The following NIPAL2 variants were observed in gnomAD, a reference collection of about 807,000 sequenced individuals.
The protein encoded by NIPAL2 is NIPA like domain containing 2.
In NIPAL2, 43 loss-of-function variants were observed where a neutral mutation model predicts 48.9. That is an observed-to-expected ratio of 0.88 (90% CI 0.69 to 1.13). The LOEUF (loss-of-function observed/expected upper bound fraction) is 1.13, where lower values mean the gene tolerates loss of function less well. Among genes scored for constraint, NIPAL2 ranks in the 50% most tolerant of loss-of-function variants. NIPAL2 has a pLI of 0.00. For missense variants in NIPAL2, 446 were observed against 461.4 expected (o/e 0.97, Z 0.31); for synonymous variants, 167 against 174.6 (o/e 0.96, Z 0.34).
chr8:98,193,384 C>T lies in NIPAL2; in HGVS notation c.1040-294G>A, dbSNP rs3735887. 0.52 allele frequency: 839,227 copies of T among 1,612,268 alleles called. 220,036 individuals carry two copies. The highest frequency in any genetic ancestry group is 0.63 in the Admixed American group (37,536 of 59,988). ...GAGATTCACATGAAGCATTCACTCA[C>T]CTCCAAGCCTTTCTCTCTGGGGTTG... On this transcript the variant is annotated intron_variant, in intron 10 of 10. Transcript: ENST00000430223.
Position 98,277,427 on chromosome 8 carries a change from G to C in NIPAL2, c.135+16576C>G, listed in dbSNP as rs146667367. Among the ~76,000 whole-genome samples, 491 of 152,120 alleles carry C rather than the reference G, an allele frequency of 3.2e-3. 1 individual carries two copies. Among genetic ancestry groups the C allele is most frequent in the African/African-American group, 0.011 (457 of 41,500 alleles). On this transcript the variant is annotated intron_variant, in intron 1 of 10. Transcript: ENST00000430223. ...TGGCACATGTCTATAGTCCCAGCTA[G>C]TTGGGAGGCTGAGATGGGAGAATCG...
intron 3 of NIPAL2, among the ~76,000 whole-genome samples, chr8:98,246,410 T>A (rs1041739655): frequency 6.6e-6 from 1 of 152,224 alleles, no homozygotes; most frequent in Non-Finnish European, 1.5e-5. Context: ...TCAGTGCAGT[T>A]AGCTCTCCAA....
chr8:98,252,784 T>C (rs1813666303), intron 2 of NIPAL2, 150 bp from the exon 3 acceptor site: 2 of 673,362 alleles, frequency 3.0e-6, no homozygotes, highest in Non-Finnish European at 4.7e-6. Flanking sequence ...TTTGGGGAAT[T>C]ATTGAAAATT....
intron 1 of NIPAL2, among the ~76,000 whole-genome samples, chr8:98,263,483 A>C (rs1287840649): frequency 6.6e-6 from 1 of 150,830 alleles, no homozygotes; most frequent in African/African-American, 2.4e-5. Context: ...AACTACCATC[A>C]GAGAATACTA....
At chr8:98,257,330 T>C (rs954201173) in intron 1 of NIPAL2, among the ~76,000 whole-genome samples, 9 of 149,078 alleles carry the variant, frequency 6.0e-5, no homozygotes, top group Middle Eastern at 3.2e-3. Flanking sequence ...TACCCCTATA[T>C]ATTTTTTTCT....
At chr8:98,263,326 T>G (rs1238215928) in intron 1 of NIPAL2, among the ~76,000 whole-genome samples, 1 of 149,832 alleles carries the variant, frequency 6.7e-6, no homozygotes, top group Admixed American at 6.7e-5. Context: ...TTCAAAAAAT[T>G]AATGAATCCA....
intron 8 of NIPAL2, among the ~76,000 whole-genome samples, chr8:98,201,242 C>T (rs541654429): frequency 6.6e-6 from 1 of 152,256 alleles, no homozygotes; most frequent in South Asian, 2.1e-4. Flanking sequence ...GCTCCACCAC[C>T]ATTCCACTCA....
At chr8:98,223,565 C>A (rs1237921508) in intron 4 of NIPAL2, among the ~76,000 whole-genome samples, 1 of 152,182 alleles carries the variant, frequency 6.6e-6, no homozygotes, top group Admixed American at 6.5e-5. Flanking sequence ...TAGACTCCAA[C>A]CTGAAACAAT....
At chr8:98,214,276 G>C (rs1811464968) in intron 5 of NIPAL2, among the ~76,000 whole-genome samples, 1 of 151,012 alleles carries the variant, frequency 6.6e-6, no homozygotes, top group Non-Finnish European at 1.5e-5. Flanking sequence ...TGATTCTCTT[G>C]CCTCAAACTT....
intron 1 of NIPAL2, among the ~76,000 whole-genome samples, chr8:98,262,227 G>A (rs1405483584): frequency 1.3e-5 from 2 of 151,774 alleles, no homozygotes; most frequent in Non-Finnish European, 2.9e-5. Flanking sequence ...CAACTAACGA[G>A]CAAAATAACC....
intron 4 of NIPAL2, among the ~76,000 whole-genome samples, chr8:98,227,721 G>A (rs1167268228): frequency 6.6e-6 from 1 of 152,208 alleles, no homozygotes; most frequent in Non-Finnish European, 1.5e-5. Context: ...CAGGGGCTGC[G>A]GGAGGAGTGG....
rs751345147 is a variant in NIPAL2, at chr8:98,294,025, C to G, written c.113G>C (p.Gly38Ala). ...APGAGNGSLS[G>A]DWYRRNQIHL... ...TACCTGGTTCCTGCGGTACCAGTCG[C>G]CCGAGAGGGAGCCGTTGCCGGCGCC... is the stretch of plus-strand genomic sequence containing the variant. The change falls in exon 1 of 11, where the codon GGC becomes GCC. Residue 38 changes from glycine (G) to alanine (A), a missense_variant. Physicochemically the swap from Gly to Ala is moderately conservative, Grantham distance 60 (BLOSUM62 0). Transcript: ENST00000430223. 3 of 1,496,256 alleles carry G rather than the reference C, an allele frequency of 2.0e-6. No individual in the cohort carries two copies. The highest frequency in any genetic ancestry group is 2.7e-6 in the Non-Finnish European group (3 of 1,122,704). 92.7% of individuals were successfully genotyped at this position (1,496,256 alleles called of 1,614,324 possible).
chr8:98,291,574 A>C (rs186647225), intron 1 of NIPAL2, among the ~76,000 whole-genome samples: 3 of 152,236 alleles, frequency 2.0e-5, no homozygotes, highest in Admixed American at 1.3e-4. Flanking sequence ...TAATATTCAC[A>C]GAAGGAAGAG....
intron 5 of NIPAL2, among the ~76,000 whole-genome samples, chr8:98,215,536 G>C (rs1036374949): frequency 2.0e-5 from 3 of 152,154 alleles, no homozygotes; most frequent in African/African-American, 7.2e-5. Flanking sequence ...AGAGCTTCCT[G>C]TTACGAATTC....
intron 4 of NIPAL2, among the ~76,000 whole-genome samples, chr8:98,224,513 C>T (rs1057055676): frequency 1.3e-5 from 2 of 151,902 alleles, no homozygotes; most frequent in Non-Finnish European, 2.9e-5. Flanking sequence ...AACCAGTTTC[C>T]AATATTGTCC....
chr8:98,256,000 C>T (rs1216605240), intron 1 of NIPAL2, among the ~76,000 whole-genome samples: 1 of 151,996 alleles, frequency 6.6e-6, no homozygotes, highest in Admixed American at 6.6e-5. Flanking sequence ...ATAAATTGTA[C>T]TTCATCAAGA....
chr8:98,256,833 C>G (rs896484756), intron 1 of NIPAL2, among the ~76,000 whole-genome samples: 2 of 152,048 alleles, frequency 1.3e-5, no homozygotes, highest in African/African-American at 4.8e-5. Context: ...GGGATTTGAA[C>G]AGATATTTGT....
chr8:98,290,202 G>A (rs886530298), intron 1 of NIPAL2, among the ~76,000 whole-genome samples: 2 of 152,152 alleles, frequency 1.3e-5, no homozygotes, highest in Non-Finnish European at 2.9e-5. Context: ...GTGTCACATA[G>A]TAAATGCATA....
At chr8:98,291,907 T>C (rs1397193402) in intron 1 of NIPAL2, among the ~76,000 whole-genome samples, 1 of 152,244 alleles carries the variant, frequency 6.6e-6, no homozygotes, top group Non-Finnish European at 1.5e-5. Flanking sequence ...TTAGACAACA[T>C]TGATTCTAAG....
Sources: gnomAD v4.1 joint callset for allele counts (sites outside exome capture counted in the v4.1 genomes callset) on GRCh38, gnomAD v4.1.1 for gene constraint, MANE v1.5 for transcripts, NCBI Gene and HGNC (gene_info 2026-07-23, HGNC 2026-07-21) for gene names.